The following FAR1 variants were observed in gnomAD, a reference collection of about 807,000 sequenced individuals.
FAR1 encodes fatty acyl-CoA reductase 1.
FAR1 carries 22 observed loss-of-function variants against 61.1 expected under a neutral mutation model. The ratio of observed to expected loss-of-function variants is 0.36; its 90% CI spans 0.26 to 0.51. FAR1 has a LOEUF of 0.51. FAR1 is among the 20% of genes least tolerant of loss of function. The pLI is 0.95. For synonymous variants in FAR1, 206 were observed against 209.7 expected, an observed-to-expected ratio of 0.98 and a Z score of 0.15; for missense variants, 359 against 626.9, an observed-to-expected ratio of 0.57 and a Z score of 4.56.
At chr11:13,713,195 G>A (rs1848518482) in intron 8 of FAR1, 162 bp downstream of exon 8, 1 of 651,944 alleles carries the variant, frequency 1.5e-6, no homozygotes, top group Admixed American at 2.5e-5. Context: ...CTACCTTGTG[G>A]TCCTTAATAA....
chr11:13,693,050 C>T (rs1038360502), intron 1 of FAR1, among the ~76,000 whole-genome samples: 20 of 152,022 alleles, frequency 1.3e-4, no homozygotes, highest in African/African-American at 4.3e-4. Context: ...AGAGCTTTTC[C>T]ACAGATGGTA....
At chr11:13,718,783 C>CT (rs1210038113) in intron 9 of FAR1, among the ~76,000 whole-genome samples, 1 of 151,992 alleles carries the variant, frequency 6.6e-6, no homozygotes, top group Non-Finnish European at 1.5e-5. Flanking sequence ...TGATTGTAGT[C>CT]AGACAGGGAC....
intron 1 of FAR1, among the ~76,000 whole-genome samples, chr11:13,692,683 C>T (rs138547270): frequency 1.8e-4 from 27 of 152,126 alleles, no homozygotes; most frequent in African/African-American, 4.6e-4. Flanking sequence ...ACATTAAATT[C>T]GCTTGGGGGC....
At chr11:13,682,088 GA>G (rs1848133626) in intron 1 of FAR1, among the ~76,000 whole-genome samples, 2 of 152,046 alleles carry the variant, frequency 1.3e-5, no homozygotes, top group Admixed American at 6.6e-5. Flanking sequence ...TATATATCTT[GA>G]AAAAGGCTAT....
chr11:13,730,418 AT>A lies in FAR1; in HGVS notation c.*1645del, dbSNP rs1848711661. 6.6e-6 allele frequency: 1 copy of A among 152,328 alleles called. No individual in the cohort carries two copies. Among genetic ancestry groups the A allele is most frequent in the African/African-American group, 2.4e-5 (1 of 41,434 alleles). 9.4% of individuals were successfully genotyped at this position (152,328 alleles called of 1,614,324 possible). On this transcript the variant is annotated 3_prime_UTR_variant, in exon 12 of 12. Transcript: ENST00000354817. Reference sequence around the variant, plus strand: ...TTTTAAAAGAAATATGTATATAAATATCTCTATATTCTTTGGAATGATACTA... The same window carrying A: ...TTTTAAAAGAAATATGTATATAAATACTCTATATTCTTTGGAATGATACTA...
Position 13,721,631 on chromosome 11 carries a change from A to G in FAR1, c.1128-99A>G, listed in dbSNP as rs765312718. 7.3e-6 allele frequency: 6 copies of G among 823,172 alleles called. No individual in the cohort carries two copies. The highest frequency in any genetic ancestry group is 1.1e-5 in the Non-Finnish European group (6 of 532,140). 51.0% of individuals were successfully genotyped at this position (823,172 alleles called of 1,614,324 possible). On this transcript the variant is annotated intron_variant, in intron 9 of 11. Coordinates refer to ENST00000354817, the MANE Select transcript of FAR1 (RefSeq NM_032228.6). The surrounding 1 kb of genome is among the most constrained non-coding windows in gnomAD (Gnocchi z 4.2). ...GATTAAATGTTATAATTTTAATACT[A>G]ATGTCTATATTATAGGGGGAAACTT... is the stretch of plus-strand genomic sequence containing the variant.
chr11:13,675,398 T>A (rs1022442893), intron 1 of FAR1, among the ~76,000 whole-genome samples: 2 of 152,284 alleles, frequency 1.3e-5, no homozygotes, highest in South Asian at 4.1e-4. Context: ...GTGAGGGTAA[T>A]CACATGGATA....
chr11:13,687,697 G>A (rs913290829), intron 1 of FAR1, among the ~76,000 whole-genome samples: 8 of 152,058 alleles, frequency 5.3e-5, no homozygotes, highest in East Asian at 3.9e-4. Flanking sequence ...AAATTAGTGC[G>A]GCTTTCCTTT....
In FAR1 at chr11:13,730,647, TAGAATC is replaced by T. The variant is rs1429256078; in HGVS notation, c.*1877_*1882del. ...TTTTTATACTTCTGCCGAATAGACT[TAGAATC>T]AGATGAATTGTCTGTGTGTCTTGCA... On this transcript the variant is annotated 3_prime_UTR_variant, in exon 12 of 12. Coordinates refer to ENST00000354817, the MANE Select transcript of FAR1 (RefSeq NM_032228.6). 2 of 152,096 alleles carry T rather than the reference TAGAATC, an allele frequency of 1.3e-5. No homozygotes were observed. Among genetic ancestry groups the T allele is most frequent in the Non-Finnish European group, 2.9e-5 (2 of 67,978 alleles). 9.4% of individuals were successfully genotyped at this position (152,096 alleles called of 1,614,324 possible).
intron 5 of FAR1, 86 bp downstream of exon 5, chr11:13,710,956 G>T: frequency 1.7e-6 from 2 of 1,185,850 alleles, no homozygotes; most frequent in South Asian, 1.4e-5. Flanking sequence ...AGTTCTTTAA[G>T]AACAGGTATT....
intron 1 of FAR1, among the ~76,000 whole-genome samples, chr11:13,682,247 G>T (rs952204455): frequency 2.0e-5 from 3 of 152,204 alleles, no homozygotes; most frequent in Non-Finnish European, 4.4e-5. Flanking sequence ...AATAGTAGTA[G>T]TGAAATCATA....
At position 13,721,516 on chromosome 11, in the gene FAR1, C is replaced by A; in HGVS notation, c.1128-214C>A. 2 of 430,630 alleles carry A rather than the reference C, an allele frequency of 4.6e-6. No individual in the cohort carries two copies. The highest frequency in any genetic ancestry group is 8.2e-6 in the Non-Finnish European group (2 of 245,220). 26.7% of individuals were successfully genotyped at this position (430,630 alleles called of 1,614,324 possible). On this transcript the variant is annotated intron_variant, in intron 9 of 11. Coordinates refer to ENST00000354817, the MANE Select transcript of FAR1 (RefSeq NM_032228.6). This position sits in a 1 kb window ranked among gnomAD's most constrained non-coding sequence, Gnocchi z 4.2. ...TATTAAATGCATTTGCTGCTGCTTT[C>A]AAAAAAAATTTGTTTTCCTTTTGGA...
intron 10 of FAR1, among the ~76,000 whole-genome samples, chr11:13,724,155 A>G (rs1848643899): frequency 6.6e-6 from 1 of 152,218 alleles, no homozygotes; most frequent in Non-Finnish European, 1.5e-5. Flanking sequence ...TGCTTCTACC[A>G]GTAGCCTAGT....
rs1012860996 is a variant in FAR1, at chr11:13,712,860, A to G, written c.888-106A>G. 7 of 728,888 alleles carry G rather than the reference A, an allele frequency of 9.6e-6. No homozygotes were observed. In the Admixed American group the frequency reaches 1.2e-4, roughly 13 times the overall value. The allele number at this position is 728,888 out of a possible 1,614,324, so 45.2% of individuals were successfully genotyped here. ...GGATAATTAAAAAAAAATAGTATAG[A>G]AAAGGTGCCCATCATCCTCATGTCT... On this transcript the variant is annotated intron_variant, in intron 7 of 11. Coordinates refer to ENST00000354817, the MANE Select transcript of FAR1 (RefSeq NM_032228.6).
intron 10 of FAR1, among the ~76,000 whole-genome samples, chr11:13,725,966 T>C (rs1417867702): frequency 2.0e-5 from 3 of 152,032 alleles, no homozygotes; most frequent in Admixed American, 2.0e-4. Flanking sequence ...AATAATTTAA[T>C]ATTTTCCCAT....
At chr11:13,698,728 G>T (rs1267210966) in intron 2 of FAR1, among the ~76,000 whole-genome samples, 1 of 152,020 alleles carries the variant, frequency 6.6e-6, no homozygotes, top group African/African-American at 2.4e-5. Flanking sequence ...CTACTCTGGA[G>T]GCTGAGGCAG....
chr11:13,700,906 G>A (rs562085596), intron 3 of FAR1, among the ~76,000 whole-genome samples: 1 of 151,924 alleles, frequency 6.6e-6, no homozygotes, highest in Admixed American at 6.6e-5. Flanking sequence ...GGAAAAATTG[G>A]TTATAAATTT....
At chr11:13,706,496 TTTTTA>T (rs1848433994) in intron 3 of FAR1, among the ~76,000 whole-genome samples, 1 of 151,604 alleles carries the variant, frequency 6.6e-6, no homozygotes, top group Non-Finnish European at 1.5e-5. Context: ...CGTTTGTTTG[TTTTTA>T]TTTTTTTAAT....
chr11:13,713,227 T>G lies in FAR1; in HGVS notation c.955+194T>G, dbSNP rs1010579427. 1.3e-5 allele frequency: 8 copies of G among 596,394 alleles called. No homozygotes were observed. In the African/African-American group the frequency reaches 1.5e-4, roughly 11 times the overall value. 36.9% of individuals were successfully genotyped at this position (596,394 alleles called of 1,614,324 possible). ...ATAATGTTTCACAAATTTAAAAATA[T>G]ACTGCTGTCTATTCTTACCCACCCA... On this transcript the variant is annotated intron_variant, in intron 8 of 11. Transcript: ENST00000354817.
Sources: allele counts gnomAD v4.1 joint callset (sites outside exome capture counted in the v4.1 genomes callset), GRCh38; gene constraint gnomAD v4.1.1; non-coding constraint Gnocchi (gnomAD v3.1); transcripts MANE v1.5; gene names NCBI Gene and HGNC (gene_info 2026-07-23, HGNC 2026-07-21).